The following ZC3H4 variants were observed in gnomAD, a reference collection of about 807,000 sequenced individuals.
ZC3H4 encodes zinc finger CCCH domain-containing protein 4.
A neutral mutation model predicts 108.3 loss-of-function variants in ZC3H4; 13 were observed. The observed-to-expected ratio is 0.12, with a 90% confidence interval of 0.08 to 0.19. ZC3H4 has a LOEUF of 0.19. Among genes scored for constraint, ZC3H4 ranks in the 10% least tolerant of loss-of-function variants. The pLI is 1.00. For synonymous variants in ZC3H4, 917 were observed against 749.6 expected, an observed-to-expected ratio of 1.22 and a Z score of -3.65; for missense variants, 1,734 against 1,838.8, an observed-to-expected ratio of 0.94 and a Z score of 1.04.
At position 47,066,510 on chromosome 19, in the gene ZC3H4, G is replaced by T; in HGVS notation, c.3758C>A (p.Pro1253His). The change falls in exon 15 of 15, where the codon CCC becomes CAC. Residue 1253 changes from proline to histidine, a missense_variant. Pro to His is a moderately conservative substitution (Grantham distance 77). Transcript: ENST00000253048. ...CTGCTTCACCGTCCCGAAGAGGGTG[G>T]GCACGGGCAGGTTGTGCACCCCGGG... ...PQPGVHNLPV[P>H]TLFGTVKQTP... The T allele has an allele frequency of 6.4e-7, 1 of 1,574,132 alleles. No homozygotes were observed. Among genetic ancestry groups the T allele is most frequent in the Non-Finnish European group, 8.6e-7 (1 of 1,159,244 alleles).
At chr19:47,075,177 C>T (rs139129265) in intron 11 of ZC3H4, among the ~76,000 whole-genome samples, 5 of 152,202 alleles carry the variant, frequency 3.3e-5, no homozygotes, top group South Asian at 2.1e-4. Context: ...TGGAAAACGA[C>T]GCGGTGGAAC....
intron 5 of ZC3H4, among the ~76,000 whole-genome samples, chr19:47,087,781 C>A (rs1314964904): frequency 6.6e-6 from 1 of 151,844 alleles, no homozygotes; most frequent in Non-Finnish European, 1.5e-5. Context: ...GGCTAAGGCA[C>A]GAGAATTGCT....
intron 2 of ZC3H4, among the ~76,000 whole-genome samples, chr19:47,100,370 C>G (rs182534073): frequency 2.1e-4 from 32 of 152,228 alleles, no homozygotes; most frequent in African/African-American, 6.0e-4. Flanking sequence ...GCTCTGTCTC[C>G]TTTTCTTCAG....
intron 13 of ZC3H4, 54 bp from the exon 14 acceptor site, chr19:47,069,397 C>T: frequency 6.4e-7 from 1 of 1,573,674 alleles, no homozygotes; most frequent in Non-Finnish European, 8.6e-7. Flanking sequence ...CAGGTGCCAA[C>T]TCCAGCCCCC....
intron 5 of ZC3H4, among the ~76,000 whole-genome samples, chr19:47,088,891 G>A (rs911284400): frequency 6.6e-6 from 1 of 152,086 alleles, no homozygotes; most frequent in Non-Finnish European, 1.5e-5. Context: ...CTGCCCCAGG[G>A]AGGTATCCAA....
intron 10 of ZC3H4, among the ~76,000 whole-genome samples, chr19:47,081,920 A>G (rs2057531079): frequency 6.6e-6 from 1 of 152,218 alleles, no homozygotes; most frequent in South Asian, 2.1e-4. Flanking sequence ...CACCTGGAAG[A>G]ATCTCAGCCA....
intron 2 of ZC3H4, among the ~76,000 whole-genome samples, chr19:47,099,543 C>G (rs1466280489): frequency 6.6e-6 from 1 of 151,982 alleles, no homozygotes; most frequent in Non-Finnish European, 1.5e-5. Context: ...GTTCTTTCTA[C>G]TTGGTCACAA....
At position 47,067,726 on chromosome 19, in the gene ZC3H4, G is replaced by A. The variant is rs1247241864; in HGVS notation, c.2542C>T (p.Arg848Cys). 2.2e-5 allele frequency: 36 copies of A among 1,606,708 alleles called. No individual in the cohort carries two copies. Among genetic ancestry groups the A allele is most frequent in the Middle Eastern group, 1.7e-4 (1 of 6,060 alleles). ...ELSSSGLGDP[R>C]LQKGHPTGSR... The stretch of plus-strand genomic sequence containing the variant: ...CCTGTGGGGTGTCCCTTCTGGAGGC[G>A]GGGGTCCCCCAGCCCACTGCTGCTC... The change falls in exon 15 of 15, where the codon CGC (arginine) becomes TGC (cysteine). Residue 848 changes from arginine (R) to cysteine (C), a missense_variant. Arg to Cys is a radical substitution (Grantham distance 180, BLOSUM62 -3). Transcript: ENST00000253048. This position sits in a 1 kb window ranked among gnomAD's most constrained non-coding sequence, Gnocchi z 6.4.
intron 11 of ZC3H4, among the ~76,000 whole-genome samples, chr19:47,075,175 G>A (rs376622486): frequency 1.3e-5 from 2 of 152,108 alleles, no homozygotes; most frequent in Non-Finnish European, 2.9e-5. Flanking sequence ...TGTGGAAAAC[G>A]ACGCGGTGGA....
chr19:47,100,702 T>C (rs1346334889), intron 2 of ZC3H4, among the ~76,000 whole-genome samples: 3 of 152,044 alleles, frequency 2.0e-5, no homozygotes, highest in African/African-American at 4.8e-5. Context: ...TTTTGTTTTA[T>C]TGTCTTTTCT....
At chr19:47,103,581 C>T (rs955299742) in intron 2 of ZC3H4, among the ~76,000 whole-genome samples, 9 of 151,810 alleles carry the variant, frequency 5.9e-5, no homozygotes, top group Non-Finnish European at 1.2e-4. Flanking sequence ...ATCAGGAGTT[C>T]GAGACCAGCC....
chr19:47,080,504 G>T (rs943710264), intron 11 of ZC3H4, among the ~76,000 whole-genome samples: 1 of 151,994 alleles, frequency 6.6e-6, no homozygotes, highest in Non-Finnish European at 1.5e-5. Context: ...GTTTTTTGTG[G>T]TCTTTCTTGG....
rs143711307 is a variant in ZC3H4 at position 47,067,429 on chromosome 19, G to A, written c.2839C>T (p.His947Tyr). ...TGTGACCGTGGGTCCCGCAGAGGGTGCCCGGGGAGTGGGTCCAGGGGAATG... is the reference window on the plus strand; with the variant it reads ...TGTGACCGTGGGTCCCGCAGAGGGTACCCGGGGAGTGGGTCCAGGGGAATG... ...VNIPLDPLPGHPLRDPRSQLQ... is the reference protein window; with the variant it reads ...VNIPLDPLPGYPLRDPRSQLQ... Residue 947 changes from histidine to tyrosine, a missense_variant, in exon 15 of 15, where the codon CAC (histidine) becomes TAC (tyrosine). Physicochemically the swap from His to Tyr is moderately conservative, Grantham distance 83 (BLOSUM62 2). Around this residue, in one of 9 missense-constraint regions of ZC3H4, gnomAD observed 540 missense variants for 484.1 expected, o/e 1.12. Coordinates refer to ENST00000253048, the MANE Select transcript of ZC3H4 (RefSeq NM_015168.2). This position sits in a 1 kb window ranked among gnomAD's most constrained non-coding sequence, Gnocchi z 6.4. 105 of 1,604,444 alleles carry A rather than the reference G, an allele frequency of 6.5e-5. No individual in the cohort carries two copies. The highest frequency in any genetic ancestry group is 2.4e-4 in the South Asian group (22 of 89,834).
chr19:47,111,832 CCTAAG>C (rs2058043419), intron 2 of ZC3H4, among the ~76,000 whole-genome samples: 1 of 152,144 alleles, frequency 6.6e-6, no homozygotes, highest in South Asian at 2.1e-4. Context: ...CCTTCTGCCT[CCTAAG>C]CTAAAGTACC....
chr19:47,086,604 C>A, intron 5 of ZC3H4, 66 bp from the exon 6 acceptor site: 1 of 1,500,080 alleles, frequency 6.7e-7, no homozygotes, highest in South Asian at 1.3e-5. Flanking sequence ...AAGAAGACAA[C>A]CCACATTTTG....
At position 47,101,971 on chromosome 19, in the gene ZC3H4, T is replaced by C. The variant is rs551442377; in HGVS notation, c.162-7363A>G. Among the ~76,000 whole-genome samples, 25 of 151,240 alleles carry C rather than the reference T, an allele frequency of 1.7e-4. No homozygotes were observed. In the South Asian group the frequency reaches 5.2e-3, roughly 32 times the overall value. Reference sequence around the variant, plus strand: ...ATTGCTTGAACCCATGAGGTGGAGGTTGCAGTAAGCTGAGACCATGCCATT... The same window carrying C: ...ATTGCTTGAACCCATGAGGTGGAGGCTGCAGTAAGCTGAGACCATGCCATT... On this transcript the variant is annotated intron_variant, in intron 2 of 14. Coordinates refer to ENST00000253048, the MANE Select transcript of ZC3H4 (RefSeq NM_015168.2).
chr19:47,081,312 CT>C (rs1307276307), intron 11 of ZC3H4, among the ~76,000 whole-genome samples, 200 bp downstream of exon 11: 1 of 152,208 alleles, frequency 6.6e-6, no homozygotes, highest in African/African-American at 2.4e-5. Context: ...AAAGCTTGTC[CT>C]GGCCTAAGAC....
At chr19:47,090,519 A>G (rs954593506) in intron 4 of ZC3H4, among the ~76,000 whole-genome samples, 1 of 152,202 alleles carries the variant, frequency 6.6e-6, no homozygotes, top group African/African-American at 2.4e-5. Flanking sequence ...GGGCCTGGGA[A>G]GCAGGCGGGG....
At chr19:47,069,066 C>A in intron 14 of ZC3H4, 26 bp downstream of exon 14, 1 of 1,601,416 alleles carries the variant, frequency 6.2e-7, no homozygotes, top group East Asian at 2.2e-5. Context: ...GGGGCCTGTG[C>A]CCCGGCCCCT....
Sources: gnomAD v4.1 joint callset for allele counts (sites outside exome capture counted in the v4.1 genomes callset) on GRCh38, gnomAD v4.1.1 for gene constraint, gnomAD v4.1.1 regional missense constraint, Gnocchi (gnomAD v3.1) non-coding constraint, MANE v1.5 for transcripts, NCBI Gene and HGNC (gene_info 2026-07-23, HGNC 2026-07-21) for gene names.